Variants in LRRTM4 observed in about 807,000 individuals in gnomAD.
LRRTM4 encodes leucine rich repeat transmembrane neuronal 4.
LRRTM4 carries 25 observed loss-of-function variants against 47.6 expected under a neutral mutation model. That is an observed-to-expected ratio of 0.53 (90% CI 0.38 to 0.73). LRRTM4 has a LOEUF of 0.73. LRRTM4 is among the 30% of genes least tolerant of loss of function. The pLI is 0.00. For synonymous variants in LRRTM4, 311 were observed against 269.5 expected (o/e 1.15, Z -1.51); for missense variants, 638 against 713.4 (o/e 0.89, Z 1.20).
At chr2:76,949,546 A>G (rs1277560652) in intron 3 of LRRTM4, among the ~76,000 whole-genome samples, 1 of 151,872 alleles carries the variant, frequency 6.6e-6, no homozygotes, top group East Asian at 1.9e-4. Flanking sequence ...GATGAGAGAA[A>G]TTTCAGCTGT....
chr2:77,197,864 A>T (rs981477377), intron 3 of LRRTM4, among the ~76,000 whole-genome samples: 4 of 152,218 alleles, frequency 2.6e-5, no homozygotes, highest in African/African-American at 9.6e-5. Context: ...TTGCAAAGGC[A>T]TAGAGAAGGT....
intron 3 of LRRTM4, among the ~76,000 whole-genome samples, chr2:77,312,497 A>T (rs1466297946): frequency 6.6e-6 from 1 of 152,210 alleles, no homozygotes; most frequent in Admixed American, 6.5e-5. Context: ...TTAAAGACAA[A>T]TACATTTAAT....
chr2:77,113,603 T>C (rs961247866), intron 3 of LRRTM4, among the ~76,000 whole-genome samples: 6 of 151,630 alleles, frequency 4.0e-5, no homozygotes. Flanking sequence ...GAAACTAAGG[T>C]TGAGGAGGTC....
At chr2:76,779,174 C>T (rs1244039101) in intron 3 of LRRTM4, among the ~76,000 whole-genome samples, 1 of 152,034 alleles carries the variant, frequency 6.6e-6, no homozygotes. Context: ...GAGAGCTTTA[C>T]TTCCAAGTAT....
At chr2:76,814,150 T>G (rs1670829367) in intron 3 of LRRTM4, among the ~76,000 whole-genome samples, 1 of 152,134 alleles carries the variant, frequency 6.6e-6, no homozygotes, top group Non-Finnish European at 1.5e-5. Flanking sequence ...GAGGTTACAG[T>G]TTTTGGTAAA....
At chr2:77,085,512 T>A (rs1189117072) in intron 3 of LRRTM4, among the ~76,000 whole-genome samples, 1 of 151,972 alleles carries the variant, frequency 6.6e-6, no homozygotes, top group South Asian at 2.1e-4. Flanking sequence ...TAGTTTCCTA[T>A]TCTCTTTAAA....
intron 3 of LRRTM4, among the ~76,000 whole-genome samples, chr2:77,332,077 T>A (rs1032232330): frequency 2.6e-4 from 40 of 152,162 alleles, no homozygotes; most frequent in African/African-American, 8.9e-4. Context: ...AGAACTTTCA[T>A]CCCCAGTTTT....
intron 3 of LRRTM4, among the ~76,000 whole-genome samples, chr2:76,883,838 C>A (rs995055989): frequency 1.3e-5 from 2 of 152,114 alleles, no homozygotes; most frequent in Non-Finnish European, 2.9e-5. Context: ...TTTTATACTG[C>A]TCTTAACCTA....
intron 3 of LRRTM4, among the ~76,000 whole-genome samples, chr2:77,272,737 T>G (rs1168718486): frequency 6.6e-6 from 1 of 152,068 alleles, no homozygotes; most frequent in Non-Finnish European, 1.5e-5. Context: ...CTCTATTTGA[T>G]CCCATGAGAG....
intron 3 of LRRTM4, among the ~76,000 whole-genome samples, chr2:77,276,339 AGG>A (rs1429638896): frequency 7.1e-6 from 1 of 141,444 alleles, no homozygotes; most frequent in African/African-American, 2.7e-5. Flanking sequence ...GAAGGAAGGA[AGG>A]AAGGAAAAAA....
At chr2:76,953,959 C>G (rs1401450962) in intron 3 of LRRTM4, among the ~76,000 whole-genome samples, 1 of 151,816 alleles carries the variant, frequency 6.6e-6, no homozygotes, top group African/African-American at 2.4e-5. Context: ...AGACTACAAC[C>G]TCCTGAGAAA....
At chr2:77,040,000 G>C (rs891666150) in intron 3 of LRRTM4, among the ~76,000 whole-genome samples, 3 of 150,842 alleles carry the variant, frequency 2.0e-5, no homozygotes, top group Non-Finnish European at 4.5e-5. Flanking sequence ...AAAGTATGAG[G>C]ATGTATTTGT....
chr2:77,083,677 T>C (rs953212840), intron 3 of LRRTM4, among the ~76,000 whole-genome samples: 1 of 152,016 alleles, frequency 6.6e-6, no homozygotes, highest in Non-Finnish European at 1.5e-5. Flanking sequence ...AGATCAATTA[T>C]TCTAATGCTC....
intron 3 of LRRTM4, among the ~76,000 whole-genome samples, chr2:76,889,612 T>C (rs1302724213): frequency 2.0e-5 from 3 of 151,904 alleles, no homozygotes; most frequent in Non-Finnish European, 4.4e-5. Context: ...AGGATACTGA[T>C]TAAAGCAAAG....
chr2:77,146,238 CG>C (rs1481121703), intron 3 of LRRTM4, among the ~76,000 whole-genome samples: 1 of 152,076 alleles, frequency 6.6e-6, no homozygotes, highest in African/African-American at 2.4e-5. Flanking sequence ...AATGTAAAGA[CG>C]GGGAACAGAA....
rs746655515 is a variant in LRRTM4 at position 77,518,557 on chromosome 2, T to C, written c.1312A>G (p.Met438Val). 6.2e-7 allele frequency: 1 copy of C among 1,613,466 alleles called. No individual in the cohort carries two copies. The highest frequency in any genetic ancestry group is 2.2e-5 in the East Asian group (1 of 44,842). Residue 438 changes from methionine (M) to valine (V), a missense_variant, in exon 3 of 4, where the codon ATG becomes GTG. Met to Val is a conservative substitution (Grantham distance 21). Transcript: ENST00000409884. ...GACACATAGATCACCAAGAGGATCA[T>C]GGCCACTGAGAGAAAGAGAGCCACA... ...GSVALFLSVA[M>V]ILLVIYVSWK... is the part of the protein sequence containing the mutation.
chr2:76,793,891 C>CG (rs1675114439), intron 3 of LRRTM4, among the ~76,000 whole-genome samples: 1 of 152,138 alleles, frequency 6.6e-6, no homozygotes, highest in Non-Finnish European at 1.5e-5. Flanking sequence ...CTAGGGAATA[C>CG]AGTATTAGTG....
At chr2:76,951,799 A>G (rs1474193568) in intron 3 of LRRTM4, among the ~76,000 whole-genome samples, 1 of 150,116 alleles carries the variant, frequency 6.7e-6, no homozygotes, top group Non-Finnish European at 1.5e-5. Context: ...TCCCCCTGAC[A>G]GGCCCCAGTG....
rs1031570967 is a variant in LRRTM4 at position 77,518,390 on chromosome 2, A to G, written c.1479T>C (p.Ser493=). The G allele has an allele frequency of 1.9e-6, 3 of 1,612,966 alleles. No homozygotes were observed. Among genetic ancestry groups the G allele is most frequent in the African/African-American group, 2.7e-5 (2 of 74,890 alleles). Residue 493 remains serine, a synonymous_variant, in exon 3 of 4, where the codon TCT becomes TCC. Transcript: ENST00000409884. Reference sequence around the variant, plus strand: ...CATTAACCGATATATCCATGGTCTCAGAGTTTGTAGGCTTGTAGTCCACAT... The same window carrying G: ...CATTAACCGATATATCCATGGTCTCGGAGTTTGTAGGCTTGTAGTCCACAT... ...EYYVDYKPTN[S]ETMDISVNGS... is the part of the protein sequence containing the mutation.
Sources: gnomAD v4.1 joint callset for allele counts (sites outside exome capture counted in the v4.1 genomes callset) on GRCh38, gnomAD v4.1.1 for gene constraint, MANE v1.5 for transcripts, NCBI Gene and HGNC (gene_info 2026-07-23, HGNC 2026-07-21) for gene names.